SHISA9: variants seen among roughly 807,000 people sequenced by gnomAD.
SHISA9 encodes the protein shisa family member 9.
A neutral mutation model predicts 38.0 loss-of-function variants in SHISA9; 13 were observed. That is an observed-to-expected ratio of 0.34 (90% CI 0.22 to 0.54). The LOEUF (loss-of-function observed/expected upper bound fraction) is 0.54. Among genes scored for constraint, SHISA9 ranks in the 20% least tolerant of loss-of-function variants. The pLI, the probability that SHISA9 is intolerant of heterozygous loss-of-function variation, is 0.91. For missense variants in SHISA9, 538 were observed against 575.8 expected, an observed-to-expected ratio of 0.93 and a Z score of 0.67; for synonymous variants, 275 against 242.0, an observed-to-expected ratio of 1.14 and a Z score of -1.27.
At chr16:13,295,254 A>T in the SHISA9 span, among the ~76,000 whole-genome samples, 9 of 152,240 alleles carry the variant, frequency 5.9e-5, no homozygotes, top group African/African-American at 1.9e-4. Context: ...AAAGGAAAAT[A>T]TATCTGGGCT....
chr16:13,078,320 T>G (rs2073607692), intron 2 of SHISA9, among the ~76,000 whole-genome samples: 1 of 152,270 alleles, frequency 6.6e-6, no homozygotes. Flanking sequence ...TTATAATGAC[T>G]AATACAATGT....
At chr16:13,539,411 A>C in the SHISA9 span, among the ~76,000 whole-genome samples, 1 of 140,296 alleles carries the variant, frequency 7.1e-6, no homozygotes, top group Non-Finnish European at 1.6e-5. Context: ...CCTGGCCTCA[A>C]GCAAGCCTCC....
the SHISA9 span, among the ~76,000 whole-genome samples, chr16:13,462,964 AAAAT>A: frequency 0.024 from 3,551 of 150,038 alleles, 141 homozygotes; most frequent in East Asian, 0.21. Flanking sequence ...TCCATCTTAA[AAAAT>A]AAATAAATAA....
intron 2 of SHISA9, among the ~76,000 whole-genome samples, chr16:13,097,492 G>A (rs1483259795): frequency 2.0e-5 from 3 of 151,712 alleles, no homozygotes; most frequent in African/African-American, 7.3e-5. Flanking sequence ...TCACTCAAGT[G>A]ATAGCTCAAG....
chr16:12,962,070 G>A (rs1292422524), intron 2 of SHISA9, among the ~76,000 whole-genome samples: 1 of 152,232 alleles, frequency 6.6e-6, no homozygotes, highest in African/African-American at 2.4e-5. Context: ...CTGAGGACTG[G>A]TGCTTGGCCC....
chr16:12,907,226 C>T (rs1221983222), intron 1 of SHISA9, among the ~76,000 whole-genome samples: 1 of 130,936 alleles, frequency 7.6e-6, no homozygotes, highest in East Asian at 2.7e-4. Context: ...TGCTTCCTTC[C>T]TCCTTTCTTT....
intron 2 of SHISA9, among the ~76,000 whole-genome samples, chr16:13,040,123 G>T (rs79792779): frequency 6.6e-6 from 1 of 152,076 alleles, no homozygotes; most frequent in African/African-American, 2.4e-5. Context: ...CTACACGAGA[G>T]CCAGAATTGT....
At chr16:13,392,694 G>A in the SHISA9 span, among the ~76,000 whole-genome samples, 3 of 152,234 alleles carry the variant, frequency 2.0e-5, no homozygotes, top group Admixed American at 1.3e-4. Context: ...CCGATTTGCT[G>A]TGGAGGCTGC....
chr16:13,243,843 G>A (rs533198453), downstream of SHISA9, among the ~76,000 whole-genome samples: 7 of 133,668 alleles, frequency 5.2e-5, no homozygotes, highest in Admixed American at 1.8e-4. Flanking sequence ...CGCAATCTTA[G>A]TTCACTGCAA....
chr16:13,336,821 T>C, the SHISA9 span, among the ~76,000 whole-genome samples: 2 of 152,112 alleles, frequency 1.3e-5, no homozygotes, highest in Non-Finnish European at 2.9e-5. Flanking sequence ...TCCTCACCTA[T>C]AACACCATCA....
At chr16:13,153,646 G>A (rs1263843119) in intron 2 of SHISA9, among the ~76,000 whole-genome samples, 2 of 152,166 alleles carry the variant, frequency 1.3e-5, no homozygotes, top group Admixed American at 1.3e-4. Context: ...CCCAGTACAA[G>A]CTCCGGCAAG....
intron 2 of SHISA9, among the ~76,000 whole-genome samples, chr16:13,053,886 T>C (rs1025381561): frequency 5.9e-5 from 9 of 152,156 alleles, no homozygotes; most frequent in African/African-American, 1.9e-4. Context: ...GGTTAAAGAT[T>C]ATGTATGAGG....
the SHISA9 span, among the ~76,000 whole-genome samples, chr16:13,467,098 G>A: frequency 6.6e-6 from 1 of 152,196 alleles, no homozygotes; most frequent in Admixed American, 6.5e-5. Flanking sequence ...AATGTTTTAT[G>A]TGTTGACTTG....
At chr16:13,168,539 G>A (rs1051112367) in intron 2 of SHISA9, among the ~76,000 whole-genome samples, 1 of 152,208 alleles carries the variant, frequency 6.6e-6, no homozygotes, top group African/African-American at 2.4e-5. Flanking sequence ...TGCCCCAGCT[G>A]TAGCAAACTG....
the SHISA9 span, among the ~76,000 whole-genome samples, chr16:13,287,305 C>T: frequency 2.6e-5 from 4 of 152,132 alleles, no homozygotes; most frequent in East Asian, 3.9e-4. Flanking sequence ...TTTGAGGCAC[C>T]GGTGGAACTA....
the SHISA9 span, among the ~76,000 whole-genome samples, chr16:13,416,125 A>C: frequency 3.3e-5 from 5 of 152,180 alleles, no homozygotes; most frequent in Non-Finnish European, 5.9e-5. Flanking sequence ...GGTATATTCT[A>C]CATGAAAAAA....
At chr16:13,021,287 C>A (rs946434895) in intron 2 of SHISA9, among the ~76,000 whole-genome samples, 25 of 152,114 alleles carry the variant, frequency 1.6e-4, no homozygotes, top group African/African-American at 5.8e-4. Context: ...AGGGACGCTG[C>A]TCAAATATCT....
chr16:13,312,442 G>A, the SHISA9 span, among the ~76,000 whole-genome samples: 42 of 152,072 alleles, frequency 2.8e-4, no homozygotes, highest in African/African-American at 1.0e-3. Context: ...ACTGAATGAC[G>A]ACTGCCTTGA....
At chr16:13,402,358 C>T in the SHISA9 span, among the ~76,000 whole-genome samples, 1 of 152,064 alleles carries the variant, frequency 6.6e-6, no homozygotes, top group Non-Finnish European at 1.5e-5. Context: ...TCCAAGGGTA[C>T]AAAGTTTCAA....
Sources: gnomAD v4.1 joint callset for allele counts (sites outside exome capture counted in the v4.1 genomes callset) on GRCh38, gnomAD v4.1.1 for gene constraint, MANE v1.5 for transcripts, NCBI Gene and HGNC (gene_info 2026-07-23, HGNC 2026-07-21) for gene names.